GUCY1A2: variants seen among roughly 807,000 people sequenced by gnomAD.
The protein encoded by GUCY1A2 is guanylate cyclase 1 soluble subunit alpha 2, also known as guanylate cyclase soluble subunit alpha-2.
GUCY1A2 carries 27 observed loss-of-function variants against 63.5 expected under a neutral mutation model. The observed-to-expected ratio is 0.43, with a 90% CI of 0.31 to 0.59. The LOEUF is 0.59. Ranked by LOEUF, GUCY1A2 falls within the 20% of genes least tolerant of loss-of-function variation. GUCY1A2 has a pLI of 0.11. For missense variants in GUCY1A2, 768 were observed against 913.3 expected (o/e 0.84, Z 2.05); for synonymous variants, 364 against 343.5 (o/e 1.06, Z -0.66).
rs981491853 is a variant in GUCY1A2 at position 106,682,213 on chromosome 11, G to T, written c.*5336C>A. The T allele has an allele frequency of 2.4e-5, 5 of 212,492 alleles. No individual in the cohort carries two copies. The highest frequency in any genetic ancestry group is 9.1e-5 in the African/African-American group (4 of 43,724). 13.2% of individuals were successfully genotyped at this position (212,492 alleles called of 1,614,324 possible). A position where few individuals can be genotyped will look rare whatever the true frequency, so the allele number is the denominator to read the frequency against. ...AAAGCTAAAATTAAAATTTGTGAAA[G>T]AAATAATGGTATGAGGCCTAGAGTA... On this transcript the variant is annotated 3_prime_UTR_variant, in exon 8 of 8. Transcript: ENST00000526355.
chr11:106,752,988 C>T (rs1354570663), intron 6 of GUCY1A2, among the ~76,000 whole-genome samples: 6 of 152,118 alleles, frequency 3.9e-5, no homozygotes, highest in Admixed American at 3.9e-4. Context: ...AGCATAAAAG[C>T]ATTCCTATTT....
At chr11:106,953,244 T>G (rs934388262) in intron 3 of GUCY1A2, among the ~76,000 whole-genome samples, 3 of 152,214 alleles carry the variant, frequency 2.0e-5, no homozygotes, top group African/African-American at 7.2e-5. Flanking sequence ...CGATGTTCAA[T>G]TTTATCAAAG....
chr11:106,928,173 G>A (rs1340813891), intron 4 of GUCY1A2, among the ~76,000 whole-genome samples: 1 of 152,158 alleles, frequency 6.6e-6, no homozygotes, highest in East Asian at 1.9e-4. Context: ...TTCACAGAGA[G>A]AAAGAGATTC....
At chr11:106,826,999 T>C (rs1858980021) in intron 4 of GUCY1A2, 1 of 1,610,104 alleles carries the variant, frequency 6.2e-7, no homozygotes, top group Non-Finnish European at 8.5e-7. Context: ...CAATTCCACA[T>C]AGACAGGCCA....
intron 4 of GUCY1A2, among the ~76,000 whole-genome samples, chr11:106,933,767 A>G (rs1225029527): frequency 6.6e-6 from 1 of 152,216 alleles, no homozygotes; most frequent in East Asian, 1.9e-4. Context: ...GCAACCATTA[A>G]AAAGAACACA....
At chr11:106,760,787 A>G (rs1330287098) in intron 6 of GUCY1A2, among the ~76,000 whole-genome samples, 1 of 152,176 alleles carries the variant, frequency 6.6e-6, no homozygotes, top group Non-Finnish European at 1.5e-5. Flanking sequence ...TTCCATAGAA[A>G]ATACTAAAGG....
chr11:106,801,825 T>C (rs1413940585), intron 5 of GUCY1A2, among the ~76,000 whole-genome samples: 1 of 152,160 alleles, frequency 6.6e-6, no homozygotes, highest in Middle Eastern at 3.2e-3. Flanking sequence ...ACATCTCACG[T>C]ACTCCATAAA....
intron 4 of GUCY1A2, among the ~76,000 whole-genome samples, chr11:106,932,811 A>C (rs1860620747): frequency 6.6e-6 from 1 of 152,128 alleles, no homozygotes; most frequent in African/African-American, 2.4e-5. Flanking sequence ...ACCCAGAAAT[A>C]AAGCTACACA....
intron 4 of GUCY1A2, among the ~76,000 whole-genome samples, chr11:106,907,148 A>G (rs898480386): frequency 6.6e-6 from 1 of 152,088 alleles, no homozygotes; most frequent in African/African-American, 2.4e-5. Context: ...TCCATTTCTG[A>G]GCCTCCTGAA....
intron 6 of GUCY1A2, among the ~76,000 whole-genome samples, chr11:106,758,159 C>T (rs973392544): frequency 6.6e-6 from 1 of 152,204 alleles, no homozygotes; most frequent in South Asian, 2.1e-4. Context: ...ATACCACCTA[C>T]TCAAGCCTCA....
chr11:106,998,499 G>T (rs1370918280), intron 1 of GUCY1A2, among the ~76,000 whole-genome samples: 1 of 152,136 alleles, frequency 6.6e-6, no homozygotes, highest in Non-Finnish European at 1.5e-5. Flanking sequence ...ATTCACACCG[G>T]AATTTTAATG....
intron 7 of GUCY1A2, among the ~76,000 whole-genome samples, chr11:106,707,801 A>T (rs1409736751): frequency 6.6e-6 from 1 of 152,088 alleles, no homozygotes; most frequent in Non-Finnish European, 1.5e-5. Context: ...AAAAATGTGT[A>T]GTGTTGTCAA....
intron 4 of GUCY1A2, among the ~76,000 whole-genome samples, chr11:106,870,106 GA>G (rs1261682262): frequency 1.5e-3 from 171 of 113,078 alleles, no homozygotes; most frequent in East Asian, 0.012. Flanking sequence ...GGCCTCTTGT[GA>G]GGGGGGGGGA....
At chr11:106,689,236 A>G (rs1302483078) in intron 7 of GUCY1A2, among the ~76,000 whole-genome samples, 2 of 152,172 alleles carry the variant, frequency 1.3e-5, no homozygotes, top group East Asian at 3.9e-4. Flanking sequence ...AATAGTTGGT[A>G]GTACTAATAA....
intron 6 of GUCY1A2, among the ~76,000 whole-genome samples, chr11:106,766,465 TA>T (rs1262301427): frequency 6.6e-6 from 1 of 152,094 alleles, no homozygotes; most frequent in East Asian, 1.9e-4. Context: ...TAAAGATACA[TA>T]AAAATGTAAA....
At chr11:106,873,563 T>C (rs934526296) in intron 4 of GUCY1A2, among the ~76,000 whole-genome samples, 2 of 152,206 alleles carry the variant, frequency 1.3e-5, no homozygotes, top group Admixed American at 1.3e-4. Context: ...CACGTACATG[T>C]CTTTTTTTGA....
intron 5 of GUCY1A2, among the ~76,000 whole-genome samples, chr11:106,789,417 C>T: frequency 6.6e-6 from 1 of 152,126 alleles, no homozygotes; most frequent in East Asian, 1.9e-4. Flanking sequence ...TTCTTAATTT[C>T]CTCAAAACAG....
intron 1 of GUCY1A2, among the ~76,000 whole-genome samples, chr11:106,997,169 A>G (rs1293005473): frequency 6.6e-6 from 1 of 152,140 alleles, no homozygotes; most frequent in Non-Finnish European, 1.5e-5. Context: ...GCCAAGATAC[A>G]TGGATGTATG....
rs76981758 is a variant in GUCY1A2, at chr11:106,917,144, C to T, written c.1206+22316G>A. Among the ~76,000 whole-genome samples the T allele has an allele frequency of 1.1e-3, 167 of 145,782 alleles. 28 individuals are homozygous for T. The East Asian group carries it at 0.032, about 28-fold the overall frequency. ...ACAGAGCACTGAGACTGGGCTACTT[C>T]TATTTCACATAGAGCAAGAGAAATG... On this transcript the variant is annotated intron_variant, in intron 4 of 7. Coordinates refer to ENST00000526355, the MANE Select transcript of GUCY1A2 (RefSeq NM_000855.3).
Sources: allele counts gnomAD v4.1 joint callset (sites outside exome capture counted in the v4.1 genomes callset), GRCh38; gene constraint gnomAD v4.1.1; transcripts MANE v1.5; gene names NCBI Gene and HGNC (gene_info 2026-07-23, HGNC 2026-07-21).